Variants in ZNF594 observed in about 807,000 individuals in gnomAD.
ZNF594 encodes zinc finger protein HZF18.
For missense variants in ZNF594, 1,037 were observed against 964.6 expected (o/e 1.08, Z -0.99); for synonymous variants, 336 against 309.4 (o/e 1.09, Z -0.90).
rs751616257 is a variant in ZNF594 at position 5,183,485 on chromosome 17, G to T, written c.772C>A (p.His258Asn). Residue 258 changes from histidine (H) to asparagine (N), a missense_variant, in exon 2 of 2, where the codon CAC (histidine) becomes AAC (asparagine). Coordinates refer to ENST00000575779, the MANE Select transcript of ZNF594 (RefSeq NM_032530.2). The stretch of plus-strand genomic sequence containing the variant: ...GGTTTCTCTCCAGTGTGAATTCTGT[G>T]ATGTATAATAAGATCTGTGCTTTGA... ...FSQSTDLIIH[H>N]RIHTGEKPYE... The T allele has an allele frequency of 6.2e-7, 1 of 1,614,124 alleles. No homozygotes were observed. The highest frequency in any genetic ancestry group is 8.5e-7 in the Non-Finnish European group (1 of 1,180,018).
In ZNF594 at chr17:5,184,210, G is replaced by T; in HGVS notation, c.47C>A (p.Ser16Ter). The T allele has an allele frequency of 6.2e-7, 1 of 1,613,602 alleles. No individual in the cohort carries two copies. The highest frequency in any genetic ancestry group is 8.5e-7 in the Non-Finnish European group (1 of 1,179,858). Residue 16 changes from serine to a stop codon, truncating the protein, a stop_gained, in exon 2 of 2, where the codon TCA becomes TAA. Transcript: ENST00000575779. LOFTEE classifies it low-confidence loss of function (END_TRUNC). ...GAGTTTTTCGGATGCAGCCCTTGCT[G>T]ACTTCTTTTCTTCAGAAATTTCCAT... ...SKMEISEEKK[S>*]ARAASEKLQR... is the part of the protein sequence containing the mutation.
intron 1 of ZNF594, among the ~76,000 whole-genome samples, chr17:5,187,205 C>G (rs2585287): frequency 6.6e-6 from 1 of 152,006 alleles, no homozygotes; most frequent in Non-Finnish European, 1.5e-5. Context: ...AGAATTATGG[C>G]AGGAGGCAAA....
chr17:5,182,200 C>T lies in ZNF594; in HGVS notation c.2057G>A (p.Gly686Glu), dbSNP rs752746531. Residue 686 changes from glycine to glutamate, a missense_variant, in exon 2 of 2, where the codon GGG (glycine) becomes GAG (glutamate). Transcript: ENST00000575779. ...GEKPYQCSEC[G>E]NAFRRRSLLI... ...GAGGGAACGCCGCCTGAAGGCATTCCCACATTCACTGCACTGATAGGGTTT... is the reference window on the plus strand; with the variant it reads ...GAGGGAACGCCGCCTGAAGGCATTCTCACATTCACTGCACTGATAGGGTTT... 10 of 1,613,066 alleles carry T rather than the reference C, an allele frequency of 6.2e-6. No individual in the cohort carries two copies. The African/African-American group carries it at 9.4e-5, about 15-fold the overall frequency.
Position 5,183,866 on chromosome 17 carries a change from C to G in ZNF594, c.391G>C (p.Glu131Gln), listed in dbSNP as rs751370705. 1 of 1,613,424 alleles carries G rather than the reference C, an allele frequency of 6.2e-7. No individual in the cohort carries two copies. Among genetic ancestry groups the G allele is most frequent in the Non-Finnish European group, 8.5e-7 (1 of 1,179,864 alleles). The change falls in exon 2 of 2, where the codon GAA becomes CAA. Residue 131 changes from glutamate (E) to glutamine (Q), a missense_variant. Coordinates refer to ENST00000575779, the MANE Select transcript of ZNF594 (RefSeq NM_032530.2). Reference sequence around the variant, plus strand: ...CTCCTGTTGAAGGTTTTTTCACATTCCTTACATTCATAGGTCTTATTTATA... The same window carrying G: ...CTCCTGTTGAAGGTTTTTTCACATTGCTTACATTCATAGGTCTTATTTATA... ...HNINKTYECK[E>Q]CEKTFNRSSN...
rs1406664723 is a variant in ZNF594, at chr17:5,182,796, G to C, written c.1461C>G (p.Pro487=). The C allele has an allele frequency of 1.2e-5, 20 of 1,614,068 alleles. No homozygotes were observed. The East Asian group carries it at 1.6e-4, about 13-fold the overall frequency. ...THQKIHTGEK[P]YQCTECGKAF... ...CTTTCCCACATTCAGTGCACTGATA[G>C]GGCTTCTCTCCAGTATGGATTTTCT... is the stretch of plus-strand genomic sequence containing the variant. Residue 487 remains proline, a synonymous_variant, in exon 2 of 2, where the codon CCC becomes CCG. Transcript: ENST00000575779.
downstream of ZNF594, among the ~76,000 whole-genome samples, chr17:5,178,194 A>G (rs1040245725): frequency 6.6e-6 from 1 of 151,928 alleles, no homozygotes; most frequent in African/African-American, 2.4e-5. Context: ...AAACCATATC[A>G]TATGAATTAA....
At position 5,181,921 on chromosome 17, in the gene ZNF594, T is replaced by C; in HGVS notation, c.2336A>G (p.His779Arg). 6.2e-7 allele frequency: 1 copy of C among 1,614,092 alleles called. No homozygotes were observed. Among genetic ancestry groups the C allele is most frequent in the Non-Finnish European group, 8.5e-7 (1 of 1,180,032 alleles). Residue 779 changes from histidine to arginine, a missense_variant, in exon 2 of 2, where the codon CAT (histidine) becomes CGT (arginine). Coordinates refer to ENST00000575779, the MANE Select transcript of ZNF594 (RefSeq NM_032530.2). ...TFQGSSDLIR[H>R]QVTHTREKPY... ...TTTCTCTCTTGTATGAGTTACCTGATGTCTGATGAGATCTGAGCTGCCCTG... is the reference window on the plus strand; with the variant it reads ...TTTCTCTCTTGTATGAGTTACCTGACGTCTGATGAGATCTGAGCTGCCCTG...
Position 5,181,078 on chromosome 17 carries a change from T to C in ZNF594, c.*755A>G. The C allele has an allele frequency of 7.3e-7, 1 of 1,375,868 alleles. No homozygotes were observed. Among genetic ancestry groups the C allele is most frequent in the Middle Eastern group, 1.8e-4 (1 of 5,636 alleles). The allele number at this position is 1,375,868 out of a possible 1,614,324, so 85.2% of individuals were successfully genotyped here. A position where few individuals can be genotyped will look rare whatever the true frequency, so the allele number is the denominator to read the frequency against. On this transcript the variant is annotated 3_prime_UTR_variant, in exon 2 of 2. Coordinates refer to ENST00000575779, the MANE Select transcript of ZNF594 (RefSeq NM_032530.2). ...CTACATTCAAAGGGTTTCTCTCTGGTATGAATTCTTTGATGACTGACAAGG... is the reference window on the plus strand; with the variant it reads ...CTACATTCAAAGGGTTTCTCTCTGGCATGAATTCTTTGATGACTGACAAGG...
chr17:5,177,205 A>G (rs1238144598), downstream of ZNF594, among the ~76,000 whole-genome samples: 2 of 152,042 alleles, frequency 1.3e-5, no homozygotes, highest in Non-Finnish European at 2.9e-5. Flanking sequence ...CATAAAAAAA[A>G]AAAAAAAAGT....
chr17:5,180,165 A>C lies in ZNF594; in HGVS notation c.*1668T>G, dbSNP rs2144234077. 6.6e-6 allele frequency: 1 copy of C among 151,160 alleles called. No homozygotes were observed. The highest frequency in any genetic ancestry group is 2.1e-4 in the South Asian group (1 of 4,782). 9.4% of individuals were successfully genotyped at this position (151,160 alleles called of 1,614,324 possible). ...AACCTCCACCTCCCAGGTTCAAGTG[A>C]TTCTCCTGCCCTAGCCTCGCAAGTA... On this transcript the variant is annotated 3_prime_UTR_variant, in exon 2 of 2. Coordinates refer to ENST00000575779, the MANE Select transcript of ZNF594 (RefSeq NM_032530.2).
At position 5,184,070 on chromosome 17, in the gene ZNF594, C is replaced by G; in HGVS notation, c.187G>C (p.Glu63Gln). 1 of 1,614,188 alleles carries G rather than the reference C, an allele frequency of 6.2e-7. No individual in the cohort carries two copies. ...KDAMRHLPSQ[E>Q]SGIREMHIIP... ...ATATGCATTTCCCTGATACCGCTCT[C>G]TTGGGAAGGGAGATGTCTCATTGCA... Residue 63 changes from glutamate (E) to glutamine (Q), a missense_variant, in exon 2 of 2, where the codon GAG (glutamate) becomes CAG (glutamine). Transcript: ENST00000575779.
In ZNF594 at chr17:5,183,785, T is replaced by C. The variant is rs866604851; in HGVS notation, c.472A>G (p.Asn158Asp). ...IHTGNKPYVC[N>D]ECGKDSNQSS... ...TGATTAGAGTCTTTCCCACATTCAT[T>C]ACACACATATGGCTTATTTCCTGTA... Residue 158 changes from asparagine to aspartate, a missense_variant, in exon 2 of 2, where the codon AAT becomes GAT. Coordinates refer to ENST00000575779, the MANE Select transcript of ZNF594 (RefSeq NM_032530.2). 6.2e-7 allele frequency: 1 copy of C among 1,614,028 alleles called. No individual in the cohort carries two copies. Among genetic ancestry groups the C allele is most frequent in the African/African-American group, 1.3e-5 (1 of 74,932 alleles).
At chr17:5,175,471 C>T (rs1393119334), downstream of ZNF594, among the ~76,000 whole-genome samples, 1 of 152,152 alleles carries the variant, frequency 6.6e-6, no homozygotes, top group Non-Finnish European at 1.5e-5. Flanking sequence ...TTCCACAACA[C>T]CCATCCCTGG....
At chr17:5,190,726 ACT>A (rs1193257300) in intron 1 of ZNF594, among the ~76,000 whole-genome samples, 1 of 151,872 alleles carries the variant, frequency 6.6e-6, no homozygotes, top group East Asian at 1.9e-4. Context: ...AACCTGAGTG[ACT>A]CTCTCCTAGC....
Position 5,183,927 on chromosome 17 carries a change from CTGTT to C in ZNF594, c.326_329del (p.Lys109ArgfsTer5), listed in dbSNP as rs1473785933. 1 of 1,613,842 alleles carries C rather than the reference CTGTT, an allele frequency of 6.2e-7. No homozygotes were observed. On this transcript the variant is annotated frameshift_variant, in exon 2 of 2. Coordinates refer to ENST00000575779, the MANE Select transcript of ZNF594 (RefSeq NM_032530.2). LOFTEE classifies it low-confidence loss of function (END_TRUNC). ...TCTGATGTTCAGTTAATCCTGACTT[CTGTT>C]TGAAGTTTTGGCCACTAACCTCATA... is the stretch of plus-strand genomic sequence containing the variant.
intron 1 of ZNF594, among the ~76,000 whole-genome samples, chr17:5,190,121 C>G (rs997539853): frequency 5.9e-5 from 9 of 152,314 alleles, no homozygotes; most frequent in South Asian, 4.1e-4. Flanking sequence ...AATTCCAGCA[C>G]TTTGGGAGGC....
chr17:5,177,815 G>A (rs1246869388), downstream of ZNF594, among the ~76,000 whole-genome samples: 2 of 152,096 alleles, frequency 1.3e-5, no homozygotes, highest in Non-Finnish European at 2.9e-5. Flanking sequence ...TAGCCTGGGA[G>A]ACAGAGTGAG....
downstream of ZNF594, among the ~76,000 whole-genome samples, chr17:5,176,590 G>A (rs2074309611): frequency 6.6e-6 from 1 of 151,094 alleles, no homozygotes. Flanking sequence ...TGTTGCACAA[G>A]GATGGAGACA....
Position 5,182,986 on chromosome 17 carries a change from C to T in ZNF594, c.1271G>A (p.Arg424Lys), listed in dbSNP as rs765176923. Residue 424 changes from arginine (R) to lysine (K), a missense_variant, in exon 2 of 2, where the codon AGA becomes AAA. By Grantham distance (26) the Arg-to-Lys change is conservative (BLOSUM62 2). Coordinates refer to ENST00000575779, the MANE Select transcript of ZNF594 (RefSeq NM_032530.2). Reference sequence around the variant, plus strand: ...ACAAGGTTTTTCTCCACTGTGAATTCTATGATGTCTCAGAAGGTCTGAGCT... The same window carrying T: ...ACAAGGTTTTTCTCCACTGTGAATTTTATGATGTCTCAGAAGGTCTGAGCT... ...NQSSDLLRHH[R>K]IHSGEKPCVC... 1.2e-6 allele frequency: 2 copies of T among 1,614,122 alleles called. No individual in the cohort carries two copies. Among genetic ancestry groups the T allele is most frequent in the Admixed American group, 3.3e-5 (2 of 60,018 alleles).
Sources: gnomAD v4.1 joint callset for allele counts (sites outside exome capture counted in the v4.1 genomes callset) on GRCh38, gnomAD v4.1.1 for gene constraint, MANE v1.5 for transcripts, NCBI Gene and HGNC (gene_info 2026-07-23, HGNC 2026-07-21) for gene names.